Variants in TNRC6C observed in about 807,000 individuals in gnomAD.
TNRC6C encodes trinucleotide repeat-containing gene 6C protein.
TNRC6C carries 20 observed loss-of-function variants against 153.7 expected under a neutral mutation model. That is an observed-to-expected ratio of 0.13 (90% CI 0.09 to 0.19). The LOEUF is 0.19. TNRC6C is among the 10% of genes least tolerant of loss of function. The probability of loss-of-function intolerance (pLI) is 1.00; values close to 1 mark genes in which losing one functional copy is unlikely to be tolerated. For missense variants in TNRC6C, 1,987 were observed against 2,172.0 expected (o/e 0.91, Z 1.69); for synonymous variants, 811 against 841.4 (o/e 0.96, Z 0.63).
chr17:78,064,833 A>G, exon 4 of TNRC6C: 1 of 1,613,694 alleles, frequency 6.2e-7, no homozygotes, highest in Non-Finnish European at 8.5e-7. Context: ...GCATGGGGGA[A>G]GCCACCCAGC....
At chr17:78,095,813 G>A (rs1008792072) in intron 16 of TNRC6C, among the ~76,000 whole-genome samples, 1 of 152,206 alleles carries the variant, frequency 6.6e-6, no homozygotes, top group Admixed American at 6.5e-5. Context: ...GGTGGCCAAC[G>A]TGGGAGAATC....
At chr17:78,054,499 C>T (rs1421384525) in intron 3 of TNRC6C, among the ~76,000 whole-genome samples, 1 of 152,044 alleles carries the variant, frequency 6.6e-6, no homozygotes, top group Non-Finnish European at 1.5e-5. Context: ...CTACTGTACA[C>T]CACTGCAAAG....
intron 13 of TNRC6C, among the ~76,000 whole-genome samples, chr17:78,088,833 G>A (rs1399757836): frequency 6.6e-6 from 1 of 151,820 alleles, no homozygotes; most frequent in Non-Finnish European, 1.5e-5. Flanking sequence ...AGCTACTTAT[G>A]TAAGTGCTTC....
At chr17:78,095,779 T>TA (rs1327597417) in intron 16 of TNRC6C, among the ~76,000 whole-genome samples, 1 of 152,204 alleles carries the variant, frequency 6.6e-6, no homozygotes, top group Non-Finnish European at 1.5e-5. Context: ...CACAGTGGCT[T>TA]ACACCTGTAA....
At chr17:78,097,686 TAG>T (rs2073511938) in intron 16 of TNRC6C, 57 bp from the exon 19 acceptor site, 1 of 1,244,356 alleles carries the variant, frequency 8.0e-7, no homozygotes, top group Non-Finnish European at 1.1e-6. Context: ...ACCCCACAGT[TAG>T]AGTCATGAAC....
intron 8 of TNRC6C, 87 bp from the exon 11 acceptor site, chr17:78,077,098 C>CG (rs78684306): frequency 0.08 from 115,053 of 1,442,864 alleles, 5,864 homozygotes; most frequent in African/African-American, 0.19. Context: ...TATCCATCCA[C>CG]GCCTCCTCTG....
At chr17:77,960,513 A>C (rs1436726521) in intron 1 of TNRC6C, among the ~76,000 whole-genome samples, 2 of 152,190 alleles carry the variant, frequency 1.3e-5, no homozygotes, top group Non-Finnish European at 2.9e-5. Flanking sequence ...TATGCGAATG[A>C]GTTGAGACCC....
intron 13 of TNRC6C, among the ~76,000 whole-genome samples, chr17:78,091,081 T>TA (rs1195109109): frequency 2.0e-5 from 3 of 152,228 alleles, no homozygotes; most frequent in Admixed American, 2.0e-4. Context: ...GGGCCTTACT[T>TA]AATCAAAGAC....
chr17:78,105,066 C>T (rs15159), exon 20 of TNRC6C: 1 of 444,482 alleles, frequency 2.2e-6, no homozygotes, highest in Non-Finnish European at 3.7e-6. Context: ...TTCCTCGTAG[C>T]TTTTTATTTT....
At chr17:78,008,032 TCTC>T (rs1299245269) in intron 1 of TNRC6C, among the ~76,000 whole-genome samples, 1 of 152,160 alleles carries the variant, frequency 6.6e-6, no homozygotes, top group Non-Finnish European at 1.5e-5. Context: ...TCCTCTACCT[TCTC>T]CTGGAGAATA....
intron 14 of TNRC6C, among the ~76,000 whole-genome samples, chr17:78,092,659 C>T (rs376429470): frequency 1.4e-4 from 21 of 152,202 alleles, no homozygotes; most frequent in African/African-American, 4.6e-4. Context: ...GTGGGAGGAT[C>T]GCTTGAGCCC....
At chr17:78,048,777 A>C (rs2072460033) in intron 2 of TNRC6C, 68 bp from the exon 5 acceptor site, 20 of 1,194,010 alleles carry the variant, frequency 1.7e-5, no homozygotes, top group South Asian at 8.7e-5. Flanking sequence ...CCCAAAGACT[A>C]GTTAACAGTT....
intron 2 of TNRC6C, among the ~76,000 whole-genome samples, chr17:78,047,907 A>G (rs557366564): frequency 6.6e-6 from 1 of 152,324 alleles, no homozygotes; most frequent in African/African-American, 2.4e-5. Flanking sequence ...AAATACTCAA[A>G]TAATTGTTAA....
At chr17:78,014,197 G>T (rs189676428) in intron 1 of TNRC6C, among the ~76,000 whole-genome samples, 88 of 152,304 alleles carry the variant, frequency 5.8e-4, no homozygotes, top group Admixed American at 5.8e-3. Flanking sequence ...CATTTGTTCT[G>T]AGAGCTCATT....
chr17:78,052,422 AG>A (rs1325072120), intron 3 of TNRC6C, among the ~76,000 whole-genome samples: 1 of 152,200 alleles, frequency 6.6e-6, no homozygotes, highest in Non-Finnish European at 1.5e-5. Flanking sequence ...GGGAAACTGC[AG>A]GAAGCAAAAC....
chr17:78,107,593 A>C (rs1382292897), exon 20 of TNRC6C: 3 of 152,226 alleles, frequency 2.0e-5, no homozygotes, highest in Non-Finnish European at 4.4e-5. Context: ...CTCTCTCACG[A>C]GTGAACTCAG....
intron 5 of TNRC6C, among the ~76,000 whole-genome samples, chr17:78,068,921 A>T (rs1000256838): frequency 6.6e-6 from 1 of 152,186 alleles, no homozygotes; most frequent in South Asian, 2.1e-4. Flanking sequence ...TTCAGTCCAC[A>T]TTCAGCATGA....
At chr17:78,050,139 A>G in exon 3 of TNRC6C, 1 of 1,598,156 alleles carries the variant, frequency 6.3e-7, no homozygotes, top group African/African-American at 1.3e-5. Context: ...ATGGGAAAGG[A>G]TCAACAGGGT....
chr17:78,077,218 C>T (rs866600053), exon 9 of TNRC6C: 2 of 1,602,510 alleles, frequency 1.2e-6, no homozygotes, highest in Non-Finnish European at 1.7e-6. Context: ...CACGCCTTCA[C>T]CGTTCTTGCC....
Sources: allele counts gnomAD v4.1 joint callset (sites outside exome capture counted in the v4.1 genomes callset), GRCh38; gene constraint gnomAD v4.1.1; transcripts MANE v1.5; gene names NCBI Gene and HGNC (gene_info 2026-07-23, HGNC 2026-07-21).